PDZRN4: variants seen among roughly 807,000 people sequenced by gnomAD.
The protein encoded by PDZRN4 is PDZ domain containing ring finger 4, also known as PDZ domain-containing RING finger protein 4.
PDZRN4 carries 70 observed loss-of-function variants against 99.0 expected under a neutral mutation model. The ratio of observed to expected loss-of-function variants is 0.71; its 90% confidence interval spans 0.58 to 0.86. The LOEUF is 0.86. PDZRN4 is among the 40% of genes least tolerant of loss of function. PDZRN4 has a pLI of 0.00. For missense variants in PDZRN4, 1,474 were observed against 1,331.2 expected (o/e 1.11, Z -1.67); for synonymous variants, 551 against 501.6 (o/e 1.10, Z -1.32).
chr12:41,265,834 T>C (rs1194197950), intron 3 of PDZRN4, among the ~76,000 whole-genome samples: 1 of 151,706 alleles, frequency 6.6e-6, no homozygotes, highest in African/African-American at 2.4e-5. Flanking sequence ...ACCATAAAAA[T>C]AAACACAGGG....
intron 8 of PDZRN4, among the ~76,000 whole-genome samples, chr12:41,565,573 C>T (rs1260655984): frequency 6.6e-6 from 1 of 150,522 alleles, no homozygotes; most frequent in East Asian, 1.9e-4. Flanking sequence ...CTTTTGTGTG[C>T]TTTTTCTAGC....
intron 3 of PDZRN4, among the ~76,000 whole-genome samples, chr12:41,465,379 A>G (rs543521765): frequency 1.3e-5 from 2 of 152,356 alleles, no homozygotes; most frequent in Non-Finnish European, 1.5e-5. Flanking sequence ...TGCTTCACAC[A>G]TCTAACAACT....
intron 3 of PDZRN4, among the ~76,000 whole-genome samples, chr12:41,246,138 T>C (rs1423397838): frequency 2.6e-5 from 4 of 152,228 alleles, no homozygotes; most frequent in Admixed American, 2.0e-4. Flanking sequence ...AAAATGTCTT[T>C]TTGATAATTT....
At chr12:41,275,121 A>T (rs2120870442) in intron 3 of PDZRN4, among the ~76,000 whole-genome samples, 1 of 152,240 alleles carries the variant, frequency 6.6e-6, no homozygotes, top group South Asian at 2.1e-4. Context: ...ATGGGATCAA[A>T]CTGATGCCAG....
chr12:41,191,738 C>T (rs1399064223), intron 2 of PDZRN4, among the ~76,000 whole-genome samples, 194 bp downstream of exon 2: 1 of 151,028 alleles, frequency 6.6e-6, no homozygotes, highest in Non-Finnish European at 1.5e-5. Flanking sequence ...CCAGTACATA[C>T]CCAGATTTTA....
intron 3 of PDZRN4, among the ~76,000 whole-genome samples, chr12:41,362,503 A>G (rs1951970816): frequency 6.6e-6 from 1 of 152,018 alleles, no homozygotes. Context: ...GGCTATATAT[A>G]TATTTTTTCT....
intron 3 of PDZRN4, among the ~76,000 whole-genome samples, chr12:41,399,293 G>C (rs1201991140): frequency 6.6e-6 from 1 of 152,174 alleles, no homozygotes; most frequent in East Asian, 1.9e-4. Context: ...ACATATGAAA[G>C]CATAAGAGTA....
chr12:41,534,365 T>C (rs1052543704), intron 5 of PDZRN4, among the ~76,000 whole-genome samples: 5 of 152,160 alleles, frequency 3.3e-5, no homozygotes, highest in Non-Finnish European at 5.9e-5. Context: ...GTCATGGTGG[T>C]TTGCTGCACC....
chr12:41,305,642 A>G (rs1341731960), intron 3 of PDZRN4, among the ~76,000 whole-genome samples: 1 of 152,084 alleles, frequency 6.6e-6, no homozygotes, highest in African/African-American at 2.4e-5. Flanking sequence ...GACCTCATCT[A>G]AACCTAATTA....
At chr12:41,447,149 A>G (rs189056308) in intron 3 of PDZRN4, among the ~76,000 whole-genome samples, 6 of 152,256 alleles carry the variant, frequency 3.9e-5, no homozygotes, top group African/African-American at 1.4e-4. Context: ...TAGAATATGT[A>G]TAAATATTGT....
At chr12:41,568,257 A>T (rs1312086735) in intron 9 of PDZRN4, among the ~76,000 whole-genome samples, 13 of 151,890 alleles carry the variant, frequency 8.6e-5, no homozygotes, top group Admixed American at 4.6e-4. Flanking sequence ...CCAATAAGTA[A>T]TTTTTTTTAC....
rs780060953 is a variant in PDZRN4 at position 41,573,396 on chromosome 12, G to C, written c.2617G>C (p.Val873Leu). Residue 873 changes from valine to leucine, a missense_variant, in exon 10 of 10, where the codon GTG becomes CTG. Coordinates refer to ENST00000402685, the MANE Select transcript of PDZRN4 (RefSeq NM_001164595.2). ...GTATGCTCAGAGTCAGCTCAGCTTG[G>C]TGAGCATGTGCAAGGAGTCTCAGAA... ...VEYAQSQLSL[V>L]SMCKESQKCS... is the part of the protein sequence containing the mutation. 9 of 1,613,424 alleles carry C rather than the reference G, an allele frequency of 5.6e-6. No individual in the cohort carries two copies. The highest frequency in any genetic ancestry group is 7.6e-6 in the Non-Finnish European group (9 of 1,180,014).
chr12:41,459,997 C>T, intron 3 of PDZRN4: 2 of 1,287,658 alleles, frequency 1.6e-6, no homozygotes, highest in South Asian at 1.2e-5. Context: ...TGAGAAATTG[C>T]CAGTGTTCCC....
chr12:41,450,410 C>A (rs1022393825), intron 3 of PDZRN4, among the ~76,000 whole-genome samples: 2 of 152,052 alleles, frequency 1.3e-5, no homozygotes, highest in African/African-American at 4.8e-5. Flanking sequence ...TCATTTTAAC[C>A]AAGATTAATT....
intron 3 of PDZRN4, among the ~76,000 whole-genome samples, chr12:41,230,284 T>C (rs1208519170): frequency 1.3e-5 from 2 of 151,992 alleles, no homozygotes; most frequent in Non-Finnish European, 2.9e-5. Context: ...AGGACACTTA[T>C]ACATCCATGA....
intron 3 of PDZRN4, among the ~76,000 whole-genome samples, chr12:41,226,083 A>ATTT (rs111762475): frequency 1.3e-5 from 2 of 148,388 alleles, no homozygotes; most frequent in African/African-American, 4.9e-5. Flanking sequence ...ATTTGGTGTC[A>ATTT]TTTTTTTTTT....
intron 3 of PDZRN4, among the ~76,000 whole-genome samples, chr12:41,483,357 T>C (rs1937712785): frequency 1.3e-5 from 2 of 152,106 alleles, no homozygotes. Context: ...ATAATATATC[T>C]CTTTTGAAAT....
intron 3 of PDZRN4, chr12:41,409,654 T>C (rs1952379017): frequency 6.6e-6 from 1 of 152,220 alleles, no homozygotes; most frequent in Non-Finnish European, 1.5e-5. Flanking sequence ...TTTTCAATAT[T>C]CTCAATGAAA....
At chr12:41,326,499 A>G (rs892079570) in intron 3 of PDZRN4, among the ~76,000 whole-genome samples, 3 of 152,214 alleles carry the variant, frequency 2.0e-5, no homozygotes, top group African/African-American at 7.2e-5. Context: ...TGTGGATATC[A>G]GGTGGCAGGA....
Sources: gnomAD v4.1 joint callset for allele counts (sites outside exome capture counted in the v4.1 genomes callset) on GRCh38, gnomAD v4.1.1 for gene constraint, MANE v1.5 for transcripts, NCBI Gene and HGNC (gene_info 2026-07-23, HGNC 2026-07-21) for gene names.